The following SYT1 variants were observed in gnomAD, a reference collection of about 807,000 sequenced individuals.
SYT1 encodes the protein synaptotagmin-1.
A neutral mutation model predicts 44.8 loss-of-function variants in SYT1; 8 were observed. The observed-to-expected ratio is 0.18, with a 90% CI of 0.10 to 0.32. SYT1 has a LOEUF of 0.32. SYT1 is among the 10% of genes least tolerant of loss of function. The pLI, the probability that SYT1 is intolerant of heterozygous loss-of-function variation, is 1.00. For missense variants in SYT1, 286 were observed against 509.3 expected (o/e 0.56, Z 4.22); for synonymous variants, 154 against 188.8 (o/e 0.82, Z 1.51).
intron 1 of SYT1, among the ~76,000 whole-genome samples, chr12:78,879,805 T>C (rs1874359270): frequency 6.6e-6 from 1 of 151,800 alleles, no homozygotes; most frequent in Non-Finnish European, 1.5e-5. Context: ...ATTTATCATA[T>C]TGTTCCTTTG....
At chr12:78,946,889 C>G (rs1027022642) in intron 1 of SYT1, among the ~76,000 whole-genome samples, 9 of 152,100 alleles carry the variant, frequency 5.9e-5, no homozygotes, top group African/African-American at 2.2e-4. Context: ...CTAAAATATC[C>G]TAGCTTTGGG....
At chr12:78,993,915 G>A (rs1414209042) in intron 2 of SYT1, among the ~76,000 whole-genome samples, 1 of 152,118 alleles carries the variant, frequency 6.6e-6, no homozygotes, top group Non-Finnish European at 1.5e-5. Context: ...AGAGTGCCAG[G>A]CATGTGGTAA....
chr12:78,866,660 G>C (rs373757721), intron 1 of SYT1, among the ~76,000 whole-genome samples: 1 of 152,092 alleles, frequency 6.6e-6, no homozygotes, highest in Non-Finnish European at 1.5e-5. Flanking sequence ...GAAATGCCTC[G>C]TTTGATGTAA....
In SYT1 at chr12:79,451,781, G is replaced by A. The variant is rs775152967; in HGVS notation, c.*2657G>A. On this transcript the variant is annotated 3_prime_UTR_variant, in exon 11 of 11. Coordinates refer to ENST00000261205, the MANE Select transcript of SYT1 (RefSeq NM_005639.3). Reference sequence around the variant, plus strand: ...ACTGCCTGCTTGAGTGTTTCTATGTGTGGGTTTTCCCTGTATCTTGTAGAA... The same window carrying A: ...ACTGCCTGCTTGAGTGTTTCTATGTATGGGTTTTCCCTGTATCTTGTAGAA... 9.2e-5 allele frequency: 14 copies of A among 152,130 alleles called. No individual in the cohort carries two copies. Among genetic ancestry groups the A allele is most frequent in the Non-Finnish European group, 1.9e-4 (13 of 68,034 alleles). The allele number at this position is 152,130 out of a possible 1,614,324, so 9.4% of individuals were successfully genotyped here. A position where few individuals can be genotyped will look rare whatever the true frequency, so the allele number is the denominator to read the frequency against.
chr12:79,386,958 A>C (rs1463016608), intron 9 of SYT1, among the ~76,000 whole-genome samples: 1 of 152,130 alleles, frequency 6.6e-6, no homozygotes, highest in East Asian at 1.9e-4. Flanking sequence ...AGAATAACCT[A>C]CTCCAGCATT....
At position 78,923,623 on chromosome 12, in the gene SYT1, G is replaced by C. The variant is rs112985187; in HGVS notation, c.-216-54176G>C. On this transcript the variant is annotated intron_variant, in intron 1 of 10. Coordinates refer to ENST00000261205, the MANE Select transcript of SYT1 (RefSeq NM_005639.3). ...AGAATAGAGACAAGAATTGTACAAA[G>C]AATAACTGCATGAACTTCACTGAGA... Among the ~76,000 whole-genome samples the C allele has an allele frequency of 1.7e-3, 252 of 151,934 alleles. 1 individual carries two copies. The highest frequency in any genetic ancestry group is 0.01 in the Middle Eastern group (3 of 294).
intron 3 of SYT1, among the ~76,000 whole-genome samples, chr12:79,203,609 C>T (rs1443657895): frequency 6.6e-6 from 1 of 152,022 alleles, no homozygotes; most frequent in African/African-American, 2.4e-5. Context: ...AAGGTAATCT[C>T]CCCAAAGCAG....
At chr12:79,179,069 TATATAG>T (rs1249881011) in intron 3 of SYT1, among the ~76,000 whole-genome samples, 39 of 80,132 alleles carry the variant, frequency 4.9e-4, no homozygotes, top group African/African-American at 1.4e-3. Flanking sequence ...TAGATATAGA[TATATAG>T]ATATAGATAT....
intron 2 of SYT1, among the ~76,000 whole-genome samples, chr12:79,000,359 T>A (rs894239149): frequency 6.3e-5 from 9 of 142,058 alleles, no homozygotes; most frequent in Admixed American, 2.3e-4. Flanking sequence ...AATGGCACAA[T>A]CTCAGCTCAA....
intron 3 of SYT1, among the ~76,000 whole-genome samples, chr12:79,187,498 A>G (rs545093057): frequency 3.3e-5 from 5 of 152,202 alleles, no homozygotes; most frequent in African/African-American, 1.2e-4. Flanking sequence ...TTCCTGCCGG[A>G]TTTCATACAT....
intron 4 of SYT1, among the ~76,000 whole-genome samples, chr12:79,275,719 C>G (rs1014218869): frequency 6.6e-6 from 1 of 152,186 alleles, no homozygotes; most frequent in Non-Finnish European, 1.5e-5. Flanking sequence ...ATTTACCCAG[C>G]TGCTTCAGCC....
chr12:79,377,579 T>G (rs1199783426), intron 9 of SYT1, among the ~76,000 whole-genome samples: 1 of 152,198 alleles, frequency 6.6e-6, no homozygotes, highest in Non-Finnish European at 1.5e-5. Context: ...TGTGTGGTGT[T>G]TCTGTTATCC....
At chr12:78,870,923 C>A (rs1194973196) in intron 1 of SYT1, among the ~76,000 whole-genome samples, 1 of 152,004 alleles carries the variant, frequency 6.6e-6, no homozygotes, top group South Asian at 2.1e-4. Flanking sequence ...TACGTGAACA[C>A]TTTTAAAATG....
At chr12:79,128,727 T>C (rs1298599697) in intron 3 of SYT1, among the ~76,000 whole-genome samples, 1 of 152,242 alleles carries the variant, frequency 6.6e-6, no homozygotes, top group Non-Finnish European at 1.5e-5. Context: ...TGTATACCTA[T>C]GTAATAAACC....
chr12:79,374,092 T>C (rs1396128380), intron 9 of SYT1, among the ~76,000 whole-genome samples: 2 of 152,182 alleles, frequency 1.3e-5, no homozygotes, highest in African/African-American at 4.8e-5. Flanking sequence ...GGCGCTTCCA[T>C]GCCACCCTCA....
At chr12:78,974,825 C>G (rs1204603769) in intron 1 of SYT1, among the ~76,000 whole-genome samples, 2 of 151,930 alleles carry the variant, frequency 1.3e-5, no homozygotes, top group Non-Finnish European at 2.9e-5. Context: ...ATATCCTACC[C>G]CTCTTCATTC....
intron 4 of SYT1, among the ~76,000 whole-genome samples, chr12:79,240,577 C>T (rs1421408148): frequency 1.3e-5 from 2 of 152,142 alleles, no homozygotes; most frequent in Non-Finnish European, 2.9e-5. Flanking sequence ...TTCATATCAA[C>T]AGGTTCAGGA....
chr12:79,279,494 GA>G (rs1878925441), intron 4 of SYT1, among the ~76,000 whole-genome samples: 1 of 151,696 alleles, frequency 6.6e-6, no homozygotes, highest in African/African-American at 2.4e-5. Context: ...GAAGGAAAAG[GA>G]ACATAACTCA....
intron 4 of SYT1, among the ~76,000 whole-genome samples, chr12:79,254,700 A>T (rs1218649478): frequency 6.6e-6 from 1 of 152,234 alleles, no homozygotes; most frequent in South Asian, 2.1e-4. Context: ...AAGAACATTC[A>T]TGATTCATAG....
Sources: gnomAD v4.1 joint callset for allele counts (sites outside exome capture counted in the v4.1 genomes callset) on GRCh38, gnomAD v4.1.1 for gene constraint, MANE v1.5 for transcripts, NCBI Gene and HGNC (gene_info 2026-07-23, HGNC 2026-07-21) for gene names.